The following ANKRD44 variants were observed in gnomAD, a reference collection of about 807,000 sequenced individuals.
The protein encoded by ANKRD44 is serine/threonine-protein phosphatase 6 regulatory ankyrin repeat subunit B.
Under a neutral mutation model 116.0 loss-of-function variants are expected in ANKRD44, and 35 were observed. The ratio of observed to expected loss-of-function variants is 0.30; its 90% CI spans 0.23 to 0.40. ANKRD44 has a LOEUF of 0.40. Ranked by LOEUF, ANKRD44 falls within the 10% of genes least tolerant of loss-of-function variation. The probability of loss-of-function intolerance (pLI) is 1.00; values close to 1 mark genes in which losing one functional copy is unlikely to be tolerated. For synonymous variants in ANKRD44, 435 were observed against 461.8 expected, an observed-to-expected ratio of 0.94 and a Z score of 0.74; for missense variants, 1,014 against 1,242.6, an observed-to-expected ratio of 0.82 and a Z score of 2.77.
At chr2:197,168,093 A>C (rs2080140304) in intron 2 of ANKRD44, among the ~76,000 whole-genome samples, 1 of 152,212 alleles carries the variant, frequency 6.6e-6, no homozygotes, top group South Asian at 2.1e-4. Context: ...GCCACATAGA[A>C]GTGTTCAGGC....
At chr2:197,043,646 GA>G (rs1333662927) in intron 16 of ANKRD44, among the ~76,000 whole-genome samples, 3 of 151,922 alleles carry the variant, frequency 2.0e-5, no homozygotes, top group African/African-American at 7.2e-5. Context: ...AAAGGCAGGT[GA>G]AAAAAAATTC....
intron 7 of ANKRD44, among the ~76,000 whole-genome samples, chr2:197,122,365 C>A (rs111494483): frequency 1.3e-5 from 2 of 152,238 alleles, no homozygotes; most frequent in African/African-American, 4.8e-5. Context: ...GGATGCAGAA[C>A]CTTGGCCAGT....
intron 16 of ANKRD44, among the ~76,000 whole-genome samples, chr2:197,058,395 A>G (rs1203064547): frequency 2.3e-5 from 2 of 87,354 alleles, no homozygotes; most frequent in East Asian, 4.4e-4. Context: ...TAGGCTGTGA[A>G]TCTTTTTTTT....
intron 12 of ANKRD44, 122 bp from the exon 13 acceptor site, chr2:197,086,870 G>A (rs958961816): frequency 1.5e-5 from 12 of 800,336 alleles, no homozygotes; most frequent in Admixed American, 8.4e-5. Context: ...TCTAAATTCC[G>A]CTAATAAAAA....
At position 197,026,047 on chromosome 2, in the gene ANKRD44, C is replaced by CA. The variant is rs111706910; in HGVS notation, c.1651-781dup. Among the ~76,000 whole-genome samples, 153 of 130,366 alleles carry CA rather than the reference C, an allele frequency of 1.2e-3. 1 individual carries two copies. Among genetic ancestry groups the CA allele is most frequent in the Middle Eastern group, 8.3e-3 (2 of 242 alleles). 85.5% of individuals were successfully genotyped at this position (130,366 alleles called of 152,430 possible). On this transcript the variant is annotated intron_variant, in intron 16 of 27. Transcript: ENST00000282272. ...CAGAGAAGGGGGAGATAAAAAGAAA[C>CA]AAAAAAAAAAAAAACACCTTTCTGG... is the stretch of plus-strand genomic sequence containing the variant.
chr2:197,060,920 T>G (rs1464789136), intron 16 of ANKRD44, among the ~76,000 whole-genome samples: 1 of 152,222 alleles, frequency 6.6e-6, no homozygotes, highest in Non-Finnish European at 1.5e-5. Flanking sequence ...TACCGCAGTA[T>G]CCATCTATCA....
At chr2:197,075,977 A>C (rs2077657128) in intron 16 of ANKRD44, among the ~76,000 whole-genome samples, 1 of 152,208 alleles carries the variant, frequency 6.6e-6, no homozygotes, top group East Asian at 1.9e-4. Flanking sequence ...CAGCTGGTCC[A>C]GATGGCCCCC....
chr2:197,302,856 T>C (rs2083952451), intron 1 of ANKRD44, among the ~76,000 whole-genome samples: 1 of 152,220 alleles, frequency 6.6e-6, no homozygotes, highest in African/African-American at 2.4e-5. Flanking sequence ...TAGATGCACA[T>C]GTTATTTGGG....
chr2:197,092,407 T>C (rs2078062533), intron 10 of ANKRD44, among the ~76,000 whole-genome samples: 1 of 152,236 alleles, frequency 6.6e-6, no homozygotes, highest in South Asian at 2.1e-4. Flanking sequence ...TCAAAAGTTA[T>C]TATGATGATG....
At chr2:197,236,904 T>C (rs2081990858) in intron 1 of ANKRD44, among the ~76,000 whole-genome samples, 1 of 152,172 alleles carries the variant, frequency 6.6e-6, no homozygotes, top group Non-Finnish European at 1.5e-5. Context: ...GGCAAAGGCA[T>C]ATCTGCCTCC....
rs947566221 is a variant in ANKRD44, at chr2:197,034,158, C to G, written c.1651-8891G>C. Among the ~76,000 whole-genome samples, 5 of 151,000 alleles carry G rather than the reference C, an allele frequency of 3.3e-5. No homozygotes were observed. In the East Asian group the frequency reaches 9.9e-4, roughly 30 times the overall value. ...TGTATTATTGGAAAACAACATTGCT[C>G]TACAGAGATCAACCTCAACCTATCT... On this transcript the variant is annotated intron_variant, in intron 16 of 27. Transcript: ENST00000282272.
At chr2:197,206,022 G>C (rs1293467282) in intron 1 of ANKRD44, among the ~76,000 whole-genome samples, 1 of 152,172 alleles carries the variant, frequency 6.6e-6, no homozygotes, top group Non-Finnish European at 1.5e-5. Context: ...CAGAGAAACA[G>C]GAAGCAAGTA....
intron 16 of ANKRD44, among the ~76,000 whole-genome samples, chr2:197,072,046 AGAAGGAAGGAAGGAAGGAAGGAAGGAAG>A (rs60306279): frequency 1.1e-4 from 12 of 111,206 alleles, no homozygotes; most frequent in African/African-American, 3.8e-4. Context: ...GAGGGAGGAA[AGAAGGAAGGAAGGAAGGAAGGAAGGAAG>A]GAAGGAAGGA....
chr2:197,251,429 A>G (rs542223340), intron 1 of ANKRD44, among the ~76,000 whole-genome samples: 1 of 152,310 alleles, frequency 6.6e-6, no homozygotes, highest in Non-Finnish European at 1.5e-5. Flanking sequence ...ATCCACTGCT[A>G]ATGTGTTCTC....
At chr2:197,220,702 C>A (rs574592018) in intron 1 of ANKRD44, among the ~76,000 whole-genome samples, 2 of 152,168 alleles carry the variant, frequency 1.3e-5, no homozygotes, top group Non-Finnish European at 2.9e-5. Flanking sequence ...CCACAGCAAT[C>A]AGTCTCAGAA....
At chr2:197,213,633 G>A (rs530861236) in intron 1 of ANKRD44, among the ~76,000 whole-genome samples, 8 of 152,236 alleles carry the variant, frequency 5.3e-5, no homozygotes, top group Admixed American at 3.9e-4. Context: ...AGCCTCATAC[G>A]CTGAGCCTAA....
chr2:197,027,680 A>ATT (rs34502554), intron 16 of ANKRD44, among the ~76,000 whole-genome samples: 3 of 125,902 alleles, frequency 2.4e-5, no homozygotes, highest in African/African-American at 9.0e-5. Context: ...ATGCCTGAGA[A>ATT]TTTTTTTTTT....
intron 2 of ANKRD44, among the ~76,000 whole-genome samples, chr2:197,174,404 T>C (rs1263094685): frequency 6.6e-6 from 1 of 152,230 alleles, no homozygotes; most frequent in Non-Finnish European, 1.5e-5. Context: ...TAAATGCTCA[T>C]GTATCCACAT....
chr2:196,971,368 A>G (rs775091310), intron 21 of ANKRD44, among the ~76,000 whole-genome samples: 12 of 151,910 alleles, frequency 7.9e-5, no homozygotes, highest in Non-Finnish European at 1.8e-4. Flanking sequence ...TATTATTATT[A>G]TTTGTTTGAG....
Sources: allele counts gnomAD v4.1 joint callset (sites outside exome capture counted in the v4.1 genomes callset), GRCh38; gene constraint gnomAD v4.1.1; transcripts MANE v1.5; gene names NCBI Gene and HGNC (gene_info 2026-07-23, HGNC 2026-07-21).